PREX2: variants seen among roughly 807,000 people sequenced by gnomAD.
PREX2 encodes the protein phosphatidylinositol 3,4,5-trisphosphate-dependent Rac exchanger 2 protein.
In PREX2, 107 loss-of-function variants were observed where a neutral mutation model predicts 203.2. The ratio of observed to expected loss-of-function variants is 0.53; its 90% CI spans 0.45 to 0.62. The LOEUF is 0.62. Ranked by LOEUF, PREX2 falls within the 20% of genes least tolerant of loss-of-function variation. PREX2 has a pLI of 0.00. For missense variants in PREX2, 1,777 were observed against 1,955.9 expected (o/e 0.91, Z 1.72); for synonymous variants, 672 against 663.6 (o/e 1.01, Z -0.19).
At chr8:68,213,912 A>AC (rs1812787067) in intron 37 of PREX2, among the ~76,000 whole-genome samples, 1 of 152,158 alleles carries the variant, frequency 6.6e-6, no homozygotes, top group South Asian at 2.1e-4. Context: ...CTACTCTGTG[A>AC]CATTTATTTT....
chr8:67,966,027 A>T (rs905759117), intron 1 of PREX2, among the ~76,000 whole-genome samples: 1 of 152,182 alleles, frequency 6.6e-6, no homozygotes, highest in Non-Finnish European at 1.5e-5. Flanking sequence ...TAAGATTTTT[A>T]AAAAATTTCT....
chr8:68,221,703 A>T (rs1217389941), intron 38 of PREX2, among the ~76,000 whole-genome samples: 1 of 152,172 alleles, frequency 6.6e-6, no homozygotes, highest in Non-Finnish European at 1.5e-5. Context: ...AATATAGATG[A>T]ATTTAAAGTG....
At chr8:68,209,070 TAA>T (rs994362514) in intron 37 of PREX2, among the ~76,000 whole-genome samples, 44 of 115,050 alleles carry the variant, frequency 3.8e-4, no homozygotes, top group Admixed American at 5.5e-4. Flanking sequence ...TGGACTCATT[TAA>T]AAAAAAAAAA....
chr8:68,001,869 C>T (rs1806946314), intron 1 of PREX2, among the ~76,000 whole-genome samples: 1 of 152,156 alleles, frequency 6.6e-6, no homozygotes, highest in Non-Finnish European at 1.5e-5. Flanking sequence ...CATGTTCTCA[C>T]TTACAAGTGG....
Position 68,079,023 on chromosome 8 carries a change from C to T in PREX2, c.1643-1420C>T, listed in dbSNP as rs1013498287. The stretch of plus-strand genomic sequence containing the variant: ...AAACTGCTTAGATCATTAAGTCAAT[C>T]TAAAATAGGTTCTGAGCTAGGCGCA... On this transcript the variant is annotated intron_variant, in intron 15 of 39. Transcript: ENST00000288368. Among the ~76,000 whole-genome samples, 9 of 152,086 alleles carry T rather than the reference C, an allele frequency of 5.9e-5. No individual in the cohort carries two copies. The South Asian group carries it at 6.2e-4, about 11-fold the overall frequency.
chr8:68,072,457 T>A (rs1809225800), intron 13 of PREX2, 38 bp from the exon 14 acceptor site: 1 of 1,146,130 alleles, frequency 8.7e-7, no homozygotes, highest in African/African-American at 1.5e-5. Context: ...GCTTAATTTT[T>A]GTTTTTTGTT....
chr8:68,125,929 C>T (rs985122328), intron 30 of PREX2, among the ~76,000 whole-genome samples: 4 of 151,982 alleles, frequency 2.6e-5, no homozygotes, highest in East Asian at 1.9e-4. Context: ...AAAACCATTA[C>T]GAGATTCATC....
rs1055601356 is a variant in PREX2 at position 68,234,843 on chromosome 8, G to A, written c.*3465G>A. 2 of 151,908 alleles carry A rather than the reference G, an allele frequency of 1.3e-5. No individual in the cohort carries two copies. Among genetic ancestry groups the A allele is most frequent in the South Asian group, 2.1e-4 (1 of 4,816 alleles). 9.4% of individuals were successfully genotyped at this position (151,908 alleles called of 1,614,324 possible). A position where few individuals can be genotyped will look rare whatever the true frequency, so the allele number is the denominator to read the frequency against. ...TTTATGATACTATAATATATATGAC[G>A]TTGAAATGACATTGGTTCTGAGTCT... On this transcript the variant is annotated 3_prime_UTR_variant, in exon 40 of 40. Coordinates refer to ENST00000288368, the MANE Select transcript of PREX2 (RefSeq NM_024870.4).
intron 1 of PREX2, among the ~76,000 whole-genome samples, chr8:67,984,075 C>A (rs975679134): frequency 6.6e-6 from 1 of 152,222 alleles, no homozygotes; most frequent in East Asian, 1.9e-4. Flanking sequence ...TCCTCCCCAA[C>A]TTGAATTTCT....
chr8:68,224,722 C>A, intron 39 of PREX2, 96 bp downstream of exon 39: 1 of 865,644 alleles, frequency 1.2e-6, no homozygotes, highest in East Asian at 2.5e-5. Flanking sequence ...AGGATGTGCC[C>A]CGTGTCGTAC....
At chr8:67,973,740 A>T (rs893335918) in intron 1 of PREX2, among the ~76,000 whole-genome samples, 1 of 152,164 alleles carries the variant, frequency 6.6e-6, no homozygotes, top group African/African-American at 2.4e-5. Flanking sequence ...TGTGTGGTAT[A>T]TCACAGTTTA....
intron 39 of PREX2, among the ~76,000 whole-genome samples, chr8:68,227,470 C>G (rs1416701075): frequency 2.6e-5 from 4 of 152,092 alleles, no homozygotes; most frequent in African/African-American, 7.2e-5. Flanking sequence ...CAATCCTCAT[C>G]CCTGGAGAGG....
At chr8:68,129,223 A>G (rs1206621188) in intron 31 of PREX2, among the ~76,000 whole-genome samples, 1 of 152,236 alleles carries the variant, frequency 6.6e-6, no homozygotes, top group Admixed American at 6.5e-5. Flanking sequence ...ATGAATAAAT[A>G]GTAGGTGGCA....
At chr8:68,027,427 G>T in intron 5 of PREX2, 104 bp downstream of exon 5, 1 of 755,038 alleles carries the variant, frequency 1.3e-6, no homozygotes, top group Non-Finnish European at 2.2e-6. Flanking sequence ...TCTAAAGGAA[G>T]CGTAGACCAT....
intron 37 of PREX2, among the ~76,000 whole-genome samples, chr8:68,197,501 C>T (rs1055648478): frequency 6.6e-6 from 1 of 151,970 alleles, no homozygotes; most frequent in African/African-American, 2.4e-5. Context: ...TCAATTAAAC[C>T]TCTGTCTTTT....
chr8:68,068,856 T>G (rs996421276), intron 11 of PREX2, among the ~76,000 whole-genome samples, 177 bp from the exon 12 acceptor site: 1 of 152,066 alleles, frequency 6.6e-6, no homozygotes, highest in Non-Finnish European at 1.5e-5. Context: ...AATAAAATAT[T>G]ATCATGAATC....
chr8:68,110,084 ATTTT>A (rs567568183), intron 25 of PREX2, among the ~76,000 whole-genome samples: 6 of 151,794 alleles, frequency 4.0e-5, no homozygotes, highest in Admixed American at 1.3e-4. Flanking sequence ...TCTAGGACGA[ATTTT>A]TTTTTCTGTT....
chr8:68,029,934 TG>T (rs1807832525), intron 5 of PREX2, among the ~76,000 whole-genome samples: 1 of 152,150 alleles, frequency 6.6e-6, no homozygotes, highest in African/African-American at 2.4e-5. Context: ...CCTGAGTAAT[TG>T]GGGAAAACAG....
chr8:68,074,849 G>A (rs771201000), intron 14 of PREX2, among the ~76,000 whole-genome samples: 6 of 152,166 alleles, frequency 3.9e-5, no homozygotes, highest in Non-Finnish European at 8.8e-5. Context: ...AGAGCCTATA[G>A]TTTTTCTCTT....
Sources: allele counts gnomAD v4.1 joint callset (sites outside exome capture counted in the v4.1 genomes callset), GRCh38; gene constraint gnomAD v4.1.1; transcripts MANE v1.5; gene names NCBI Gene and HGNC (gene_info 2026-07-23, HGNC 2026-07-21).